RSPO4: variants seen among roughly 807,000 people sequenced by gnomAD.
RSPO4 encodes R-spondin 4, also known as R-spondin-4.
Under a neutral mutation model 24.8 loss-of-function variants are expected in RSPO4, and 23 were observed. That is an observed-to-expected ratio of 0.93 (90% CI 0.67 to 1.31). The LOEUF (loss-of-function observed/expected upper bound fraction) is 1.31, where lower values mean the gene tolerates loss of function less well. RSPO4 is among the 40% of genes most tolerant of loss of function. RSPO4 has a pLI of 0.00. For synonymous variants in RSPO4, 141 were observed against 127.4 expected (o/e 1.11, Z -0.72); for missense variants, 333 against 316.5 (o/e 1.05, Z -0.39).
rs1006769564 is a variant in RSPO4, at chr20:970,120, G to A, written c.80-1982C>T. On this transcript the variant is annotated intron_variant, in intron 1 of 4. Transcript: ENST00000217260. This position sits in a 1 kb window ranked among gnomAD's most constrained non-coding sequence, Gnocchi z 4.1. ...AAGTTGGCAGCAGGTGAGAGCTAAC[G>A]AAAGCCCGGTCAGATACACATTCTG... Among the ~76,000 whole-genome samples the A allele has an allele frequency of 1.3e-5, 2 of 152,142 alleles. No individual in the cohort carries two copies. The highest frequency in any genetic ancestry group is 2.9e-5 in the Non-Finnish European group (2 of 68,014).
intron 1 of RSPO4, among the ~76,000 whole-genome samples, chr20:988,830 C>A (rs930879730): frequency 6.6e-6 from 1 of 152,282 alleles, no homozygotes; most frequent in Non-Finnish European, 1.5e-5. Context: ...GGATAACAGG[C>A]GAGAGCCACT....
At position 1,002,203 on chromosome 20, in the gene RSPO4, C is replaced by T. The variant is rs560184549; in HGVS notation, c.-39G>A. On this transcript the variant is annotated 5_prime_UTR_variant, in exon 1 of 5. Transcript: ENST00000217260. The surrounding 1 kb of genome is among the most constrained non-coding windows in gnomAD (Gnocchi z 4.6). Reference sequence around the variant, plus strand: ...TCCGGGCTGGCGCTCCCCAGGCGGCCCGACGGCCCAAGGGCCCCACGTCCC... The same window carrying T: ...TCCGGGCTGGCGCTCCCCAGGCGGCTCGACGGCCCAAGGGCCCCACGTCCC... 362 of 1,479,922 alleles carry T rather than the reference C, an allele frequency of 2.4e-4. 1 individual carries two copies. The East Asian group carries it at 6.6e-3, about 27-fold the overall frequency. The allele number at this position is 1,479,922 out of a possible 1,614,324, so 91.7% of individuals were successfully genotyped here.
At position 1,002,212 on chromosome 20, in the gene RSPO4, C is replaced by A; in HGVS notation, c.-48G>T. ...GCGCTCCCCAGGCGGCCCGACGGCC[C>A]AAGGGCCCCACGTCCCGGCGGCGGC... On this transcript the variant is annotated 5_prime_UTR_variant, in exon 1 of 5. Transcript: ENST00000217260. This position sits in a 1 kb window ranked among gnomAD's most constrained non-coding sequence, Gnocchi z 4.6. The A allele has an allele frequency of 1.4e-6, 2 of 1,403,440 alleles. No homozygotes were observed. Among genetic ancestry groups the A allele is most frequent in the Non-Finnish European group, 1.9e-6 (2 of 1,057,038 alleles). 86.9% of individuals were successfully genotyped at this position (1,403,440 alleles called of 1,614,324 possible). A position where few individuals can be genotyped will look rare whatever the true frequency, so the allele number is the denominator to read the frequency against.
chr20:985,590 T>C (rs931790660), intron 1 of RSPO4, among the ~76,000 whole-genome samples: 1 of 152,234 alleles, frequency 6.6e-6, no homozygotes, highest in East Asian at 1.9e-4. Flanking sequence ...TAAGAATGAA[T>C]AGGACATATT....
At chr20:965,249 TG>T (rs1037954587) in intron 3 of RSPO4, among the ~76,000 whole-genome samples, 7 of 103,192 alleles carry the variant, frequency 6.8e-5, no homozygotes, top group African/African-American at 2.6e-4. Context: ...GGTCTTGAAG[TG>T]GGGGTGGGAT....
intron 1 of RSPO4, among the ~76,000 whole-genome samples, chr20:972,892 C>G (rs1290405872): frequency 6.6e-6 from 1 of 152,234 alleles, no homozygotes; most frequent in Non-Finnish European, 1.5e-5. Context: ...ATCTTTATCA[C>G]CTGGCAGAAT....
intron 3 of RSPO4, among the ~76,000 whole-genome samples, chr20:965,676 T>G (rs919232714): frequency 1.3e-5 from 2 of 152,032 alleles, no homozygotes; most frequent in Non-Finnish European, 2.9e-5. Context: ...CAGAAACAAA[T>G]GGGTGGGGAG....
rs3833342 is a variant in RSPO4, at chr20:958,646, GGA to G, written c.*1709_*1710del. ...AGTCAGAGAGAGGGTGGGCCTGCTGGGAGGGGGGGGTTCAGGCCAGGGCTCCC... is the reference window on the plus strand; with the variant it reads ...AGTCAGAGAGAGGGTGGGCCTGCTGGGGGGGGGGTTCAGGCCAGGGCTCCC... On this transcript the variant is annotated 3_prime_UTR_variant, in exon 5 of 5. Transcript: ENST00000217260. 0.1 allele frequency: 15,245 copies of G among 150,290 alleles called. 915 individuals are homozygous for G. The highest frequency in any genetic ancestry group is 0.21 in the East Asian group (1,065 of 5,060). The allele number at this position is 150,290 out of a possible 1,614,324, so 9.3% of individuals were successfully genotyped here.
chr20:964,702 A>G (rs183218916), intron 3 of RSPO4, among the ~76,000 whole-genome samples: 2,679 of 151,466 alleles, frequency 0.018, 38 homozygotes, highest in Non-Finnish European at 0.026. Flanking sequence ...ATATACACAC[A>G]CACACACATA....
At chr20:984,246 G>A (rs747965365) in intron 1 of RSPO4, among the ~76,000 whole-genome samples, 1 of 152,160 alleles carries the variant, frequency 6.6e-6, no homozygotes, top group Admixed American at 6.5e-5. Context: ...GGCTGAGGCA[G>A]GAGAATCACT....
intron 1 of RSPO4, among the ~76,000 whole-genome samples, chr20:995,093 A>C (rs1187665730): frequency 6.6e-6 from 1 of 152,116 alleles, no homozygotes; most frequent in Non-Finnish European, 1.5e-5. Flanking sequence ...TCCCTGCTTG[A>C]GTCTCCAATT....
intron 1 of RSPO4, among the ~76,000 whole-genome samples, chr20:1,000,253 T>C (rs768114342): frequency 3.9e-5 from 6 of 152,192 alleles, no homozygotes; most frequent in Non-Finnish European, 7.4e-5. Flanking sequence ...CTCAGCATTA[T>C]GTCAGGCAGA....
At chr20:974,478 G>A (rs961846268) in intron 1 of RSPO4, among the ~76,000 whole-genome samples, 1 of 152,222 alleles carries the variant, frequency 6.6e-6, no homozygotes, top group Non-Finnish European at 1.5e-5. Context: ...GCTAACAGAG[G>A]CTCTGCTCCT....
chr20:977,884 C>T (rs1424292774), intron 1 of RSPO4, among the ~76,000 whole-genome samples: 6 of 140,742 alleles, frequency 4.3e-5, no homozygotes, highest in Non-Finnish European at 7.4e-5. Context: ...CAGTGCAGGA[C>T]GCATGTCACC....
intron 4 of RSPO4, 23 bp downstream of exon 4, chr20:963,912 C>G: frequency 1.9e-6 from 3 of 1,612,186 alleles, no homozygotes; most frequent in Non-Finnish European, 2.5e-6. Context: ...ACCGCAGCCT[C>G]GTGTGCCTGT....
At chr20:992,130 C>T (rs1600100794) in intron 1 of RSPO4, among the ~76,000 whole-genome samples, 1 of 152,156 alleles carries the variant, frequency 6.6e-6, no homozygotes, top group Admixed American at 6.5e-5. Flanking sequence ...ATCATGGCTT[C>T]CCCCCAAAAT....
At chr20:980,876 A>G (rs1301305527) in intron 1 of RSPO4, among the ~76,000 whole-genome samples, 1 of 152,156 alleles carries the variant, frequency 6.6e-6, no homozygotes, top group Admixed American at 6.5e-5. Context: ...GAACTCAGAG[A>G]TCTTCAAAAA....
intron 1 of RSPO4, among the ~76,000 whole-genome samples, chr20:983,261 T>C (rs1460057698): frequency 1.3e-3 from 200 of 152,374 alleles, no homozygotes; most frequent in African/African-American, 4.8e-3. Flanking sequence ...CACCTGGAGC[T>C]TCCAAGGGGT....
At chr20:985,052 CACCCATCTATCCATCCACCA>C (rs1255101801) in intron 1 of RSPO4, among the ~76,000 whole-genome samples, 1 of 101,778 alleles carries the variant, frequency 9.8e-6, no homozygotes. Context: ...TCCAATCACC[CACCCATCTATCCATCCACCA>C]ACCCATCTAT....
Sources: gnomAD v4.1 joint callset for allele counts (sites outside exome capture counted in the v4.1 genomes callset) on GRCh38, gnomAD v4.1.1 for gene constraint, Gnocchi (gnomAD v3.1) non-coding constraint, MANE v1.5 for transcripts, NCBI Gene and HGNC (gene_info 2026-07-23, HGNC 2026-07-21) for gene names.